Variants in ATXN1L observed in about 807,000 individuals in gnomAD.
The protein encoded by ATXN1L is ataxin 1 like.
ATXN1L carries 8 observed loss-of-function variants against 43.4 expected under a neutral mutation model. The ratio of observed to expected loss-of-function variants is 0.18; its 90% CI spans 0.11 to 0.33. ATXN1L has a LOEUF of 0.33. ATXN1L is among the 10% of genes least tolerant of loss of function. The pLI, the probability that ATXN1L is intolerant of heterozygous loss-of-function variation, is 1.00. For missense variants in ATXN1L, 856 were observed against 885.4 expected (o/e 0.97, Z 0.42); for synonymous variants, 379 against 360.6 (o/e 1.05, Z -0.58).
rs1232339761 is a variant in ATXN1L, at chr16:71,855,750, G to A, written c.*3940G>A. ...TCTTATAAACAAAGTAAATAGGACA[G>A]AGACTAAGTTTTAGGGAGACATCTT... On this transcript the variant is annotated 3_prime_UTR_variant, in exon 3 of 3. Transcript: ENST00000427980. 6.0e-6 allele frequency: 1 copy of A among 167,130 alleles called. No homozygotes were observed. Among genetic ancestry groups the A allele is most frequent in the Non-Finnish European group, 1.5e-5 (1 of 68,134 alleles). 10.4% of individuals were successfully genotyped at this position (167,130 alleles called of 1,614,324 possible). A position where few individuals can be genotyped will look rare whatever the true frequency, so the allele number is the denominator to read the frequency against.
rs766669613 is a variant in ATXN1L at position 71,851,521 on chromosome 16, G to T, written c.1781G>T (p.Ser594Ile). 3.2e-6 allele frequency: 5 copies of T among 1,551,618 alleles called. No homozygotes were observed. In the South Asian group the frequency reaches 4.8e-5, roughly 15 times the overall value. Residue 594 changes from serine to isoleucine, a missense_variant, in exon 3 of 3, where the codon AGC (serine) becomes ATC (isoleucine). By Grantham distance (142) the Ser-to-Ile change is moderately radical. Transcript: ENST00000427980. This position sits in a 1 kb window ranked among gnomAD's most constrained non-coding sequence, Gnocchi z 4.9. Reference sequence around the variant, plus strand: ...AACAGTAACTCAGTTTCTCAGGCCAGCTGTGCTCCCCCAAGCCAGCTGGGT... The same window carrying T: ...AACAGTAACTCAGTTTCTCAGGCCATCTGTGCTCCCCCAAGCCAGCTGGGT... ...SLNSNSVSQA[S>I]CAPPSQLGPP...
At chr16:71,847,379 C>G (rs895356724) in intron 1 of ATXN1L, among the ~76,000 whole-genome samples, 20 of 152,086 alleles carry the variant, frequency 1.3e-4, no homozygotes, top group African/African-American at 4.1e-4. Context: ...ATACCTGATT[C>G]AGCACTTGGT....
rs1414924623 is a variant in ATXN1L at position 71,853,283 on chromosome 16, C to G, written c.*1473C>G. 1 of 167,186 alleles carries G rather than the reference C, an allele frequency of 6.0e-6. No individual in the cohort carries two copies. The highest frequency in any genetic ancestry group is 1.5e-5 in the Non-Finnish European group (1 of 68,224). 10.4% of individuals were successfully genotyped at this position (167,186 alleles called of 1,614,324 possible). On this transcript the variant is annotated 3_prime_UTR_variant, in exon 3 of 3. Transcript: ENST00000427980. ...ACCCCCCACCAATGTCTTAATCCCACATTTTCTTCACAACTTTTAGCATCA... is the reference window on the plus strand; with the variant it reads ...ACCCCCCACCAATGTCTTAATCCCAGATTTTCTTCACAACTTTTAGCATCA...
chr16:71,848,103 G>C lies in ATXN1L; in HGVS notation c.-118+32G>C, dbSNP rs187064879. The C allele has an allele frequency of 2.6e-3, 1,181 of 454,810 alleles. 10 individuals carry two copies. Among genetic ancestry groups the C allele is most frequent in the Middle Eastern group, 3.5e-3 (9 of 2,604 alleles). The allele number at this position is 454,810 out of a possible 1,614,324, so 28.2% of individuals were successfully genotyped here. ...CCGGCACTTTGAATTCCTTGTTTCA[G>C]GAAAATATCTGGGATGTCACAGTGG... On this transcript the variant is annotated intron_variant, in intron 2 of 2. Coordinates refer to ENST00000427980, the MANE Select transcript of ATXN1L (RefSeq NM_001137675.4).
chr16:71,847,556 A>C (rs2033456493), intron 1 of ATXN1L, among the ~76,000 whole-genome samples: 1 of 151,724 alleles, frequency 6.6e-6, no homozygotes, highest in African/African-American at 2.4e-5. Context: ...GCTTTTTTTC[A>C]TTTAAATAAC....
rs1657969208 is a variant in ATXN1L, at chr16:71,852,287, G to A, written c.*477G>A. On this transcript the variant is annotated 3_prime_UTR_variant, in exon 3 of 3. Transcript: ENST00000427980. ...GGAGGCCCCAAGGTTGGAAATAAGA[G>A]GGTTCCCACCCAGAACCCTTCTTGT... The A allele has an allele frequency of 6.0e-6, 1 of 167,336 alleles. No homozygotes were observed. Among genetic ancestry groups the A allele is most frequent in the South Asian group, 2.1e-4 (1 of 4,838 alleles). 10.4% of individuals were successfully genotyped at this position (167,336 alleles called of 1,614,324 possible).
At position 71,849,750 on chromosome 16, in the gene ATXN1L, G is replaced by A; in HGVS notation, c.10G>A (p.Val4Ile). 6.6e-7 allele frequency: 1 copy of A among 1,509,148 alleles called. No homozygotes were observed. Among genetic ancestry groups the A allele is most frequent in the Non-Finnish European group, 8.9e-7 (1 of 1,124,682 alleles). 93.5% of individuals were successfully genotyped at this position (1,509,148 alleles called of 1,614,324 possible). A position where few individuals can be genotyped will look rare whatever the true frequency, so the allele number is the denominator to read the frequency against. Residue 4 changes from valine (V) to isoleucine (I), a missense_variant, in exon 3 of 3, where the codon GTT (valine) becomes ATT (isoleucine). This residue lies in a region of ATXN1L where 9 missense variants were observed against 22.4 expected (regional missense o/e 0.40). Coordinates refer to ENST00000427980, the MANE Select transcript of ATXN1L (RefSeq NM_001137675.4). MKP[V>I]HERSQECLPP... ...AACACCACAAAGCAATATGAAACCT[G>A]TTCATGAAAGGAGTCAGGAATGCCT...
At chr16:71,848,198 A>G (rs969458708) in intron 2 of ATXN1L, 127 bp downstream of exon 2, 2 of 394,228 alleles carry the variant, frequency 5.1e-6, no homozygotes, top group African/African-American at 4.2e-5. Flanking sequence ...GTTGGAAGAA[A>G]TAGGCAGCAA....
intron 1 of ATXN1L, among the ~76,000 whole-genome samples, chr16:71,847,769 T>C (rs2033458140): frequency 1.3e-5 from 2 of 152,150 alleles, no homozygotes; most frequent in South Asian, 4.1e-4. Context: ...GGAAAACCAA[T>C]GAAATTTGAT....
Position 71,849,656 on chromosome 16 carries a change from T to C in ATXN1L, c.-85T>C. On this transcript the variant is annotated 5_prime_UTR_variant, in exon 3 of 3. Coordinates refer to ENST00000427980, the MANE Select transcript of ATXN1L (RefSeq NM_001137675.4). ...CGCCCCAGCCAGAAGCAGAGAGGGG[T>C]ACAGGGAAGCTACAGAGAAGCCCCT... The C allele has an allele frequency of 7.1e-7, 1 of 1,413,976 alleles. No homozygotes were observed. The highest frequency in any genetic ancestry group is 9.4e-7 in the Non-Finnish European group (1 of 1,069,316). 87.6% of individuals were successfully genotyped at this position (1,413,976 alleles called of 1,614,324 possible). A position where few individuals can be genotyped will look rare whatever the true frequency, so the allele number is the denominator to read the frequency against.
In ATXN1L at chr16:71,848,007, TAGGCTCCCGAGCC is replaced by T. The variant is rs1836900325; in HGVS notation, c.-179_-167del. 2.2e-6 allele frequency: 1 copy of T among 455,856 alleles called. No homozygotes were observed. Among genetic ancestry groups the T allele is most frequent in the African/African-American group, 2.0e-5 (1 of 50,056 alleles). 28.2% of individuals were successfully genotyped at this position (455,856 alleles called of 1,614,324 possible). A position where few individuals can be genotyped will look rare whatever the true frequency, so the allele number is the denominator to read the frequency against. ...TTACTCCATTCCTGTTTCTATCTTC[TAGGCTCCCGAGCC>T]AGCCGGGAGGACACTTACTACAGCT... is the stretch of plus-strand genomic sequence containing the variant. On this transcript the variant is annotated splice_acceptor_variant and 5_prime_UTR_variant, in exon 2 of 3. Transcript: ENST00000427980. LOFTEE classifies it low-confidence loss of function (5UTR_SPLICE).
In ATXN1L at chr16:71,849,696, G is replaced by A. The variant is rs567314284; in HGVS notation, c.-45G>A. Reference sequence around the variant, plus strand: ...GAGAAGCCCCTTCTGATGCCCCAGGGAGCAAGTCGACTCCTTCCAGGCTCC... The same window carrying A: ...GAGAAGCCCCTTCTGATGCCCCAGGAAGCAAGTCGACTCCTTCCAGGCTCC... On this transcript the variant is annotated 5_prime_UTR_variant, in exon 3 of 3. Transcript: ENST00000427980. 6.2e-6 allele frequency: 9 copies of A among 1,459,088 alleles called. No individual in the cohort carries two copies. The East Asian group carries it at 1.7e-4, about 28-fold the overall frequency. 90.4% of individuals were successfully genotyped at this position (1,459,088 alleles called of 1,614,324 possible). A position where few individuals can be genotyped will look rare whatever the true frequency, so the allele number is the denominator to read the frequency against.
Position 71,851,571 on chromosome 16 carries a change from A to G in ATXN1L, c.1831A>G (p.Thr611Ala). ...TCCCCCCCGAGAAAGGCCTGAGAGGACGGTCTTGGGATCCAGAGAGCTATG... is the reference window on the plus strand; with the variant it reads ...TCCCCCCCGAGAAAGGCCTGAGAGGGCGGTCTTGGGATCCAGAGAGCTATG... The part of the protein sequence containing the change: ...LGPPRERPER[T>A]VLGSRELCDS... Residue 611 changes from threonine (T) to alanine (A), a missense_variant, in exon 3 of 3, where the codon ACG (threonine) becomes GCG (alanine). Around this residue, in one of 7 missense-constraint regions of ATXN1L, gnomAD observed 185 missense variants for 176.8 expected, o/e 1.05. Coordinates refer to ENST00000427980, the MANE Select transcript of ATXN1L (RefSeq NM_001137675.4). The surrounding 1 kb of genome is among the most constrained non-coding windows in gnomAD (Gnocchi z 4.9). The G allele has an allele frequency of 2.6e-6, 4 of 1,549,708 alleles. No individual in the cohort carries two copies. The highest frequency in any genetic ancestry group is 2.5e-5 in the East Asian group (1 of 40,800).
In ATXN1L at chr16:71,850,670, G is replaced by T; in HGVS notation, c.930G>T (p.Gln310His). 1 of 1,551,754 alleles carries T rather than the reference G, an allele frequency of 6.4e-7. No homozygotes were observed. The highest frequency in any genetic ancestry group is 1.4e-5 in the African/African-American group (1 of 73,178). The part of the protein sequence containing the change: ...VPVVECVVDG[Q>H]LFSGSQTPRV... ...TGGTAGAATGTGTGGTGGATGGACA[G>T]TTGTTTTCAGGTTCTCAGACTCCAC... is the stretch of plus-strand genomic sequence containing the variant. The change falls in exon 3 of 3, where the codon CAG (glutamine) becomes CAT (histidine). Residue 310 changes from glutamine to histidine, a missense_variant. Physicochemically the swap from Gln to His is conservative, Grantham distance 24. This residue lies in a region of ATXN1L where 490 missense variants were observed against 449.4 expected (regional missense o/e 1.09). Coordinates refer to ENST00000427980, the MANE Select transcript of ATXN1L (RefSeq NM_001137675.4).
At chr16:71,847,127 A>G (rs11640135) in intron 1 of ATXN1L, among the ~76,000 whole-genome samples, 30,028 of 152,104 alleles carry the variant, frequency 0.2, 3,718 homozygotes, top group Non-Finnish European at 0.28. Context: ...ATCTTAAGAG[A>G]GAAATGTTGC....
In ATXN1L at chr16:71,850,465, T is replaced by G. The variant is rs1403520431; in HGVS notation, c.725T>G (p.Leu242Trp). The change falls in exon 3 of 3, where the codon TTG becomes TGG. Residue 242 changes from leucine (L) to tryptophan (W), a missense_variant. Physicochemically the swap from Leu to Trp is moderately conservative, Grantham distance 61. Coordinates refer to ENST00000427980, the MANE Select transcript of ATXN1L (RefSeq NM_001137675.4). ...QMSRLPAGYT[L>W]HETPPAGASP... ...TCCAGGCTACCTGCTGGGTATACTTTGCATGAAACCCCTCCAGCAGGTGCC... is the reference window on the plus strand; with the variant it reads ...TCCAGGCTACCTGCTGGGTATACTTGGCATGAAACCCCTCCAGCAGGTGCC... 1 of 1,551,704 alleles carries G rather than the reference T, an allele frequency of 6.4e-7. No individual in the cohort carries two copies. Among genetic ancestry groups the G allele is most frequent in the Admixed American group, 2.0e-5 (1 of 51,004 alleles).
In ATXN1L at chr16:71,850,733, G is replaced by A. The variant is rs866322022; in HGVS notation, c.993G>A (p.Pro331=). The stretch of plus-strand genomic sequence containing the variant: ...CAGCACCAGCACACCGGGGGACCCC[G>A]GACACTGACCTTGAGGTCCAGCGGG... ...EVAAPAHRGT[P]DTDLEVQRVV... Residue 331 remains proline (P), a synonymous_variant, in exon 3 of 3, where the codon CCG becomes CCA. Transcript: ENST00000427980. 85 of 1,551,678 alleles carry A rather than the reference G, an allele frequency of 5.5e-5. No individual in the cohort carries two copies. The African/African-American group carries it at 5.9e-4, about 11-fold the overall frequency.
chr16:71,849,877 C>T lies in ATXN1L; in HGVS notation c.137C>T (p.Ser46Phe). 1 of 1,551,484 alleles carries T rather than the reference C, an allele frequency of 6.4e-7. No homozygotes were observed. Among genetic ancestry groups the T allele is most frequent in the Non-Finnish European group, 8.7e-7 (1 of 1,146,894 alleles). ...CCCTCCAGTGATGCTTCTGAATGGT[C>T]CCGAGGGGTTGTGGTGGCTGGGCAG... ...HTPSSDASEW[S>F]RGVVVAGQSQ... The change falls in exon 3 of 3, where the codon TCC becomes TTC. Residue 46 changes from serine (S) to phenylalanine (F), a missense_variant. Ser to Phe is a radical substitution (Grantham distance 155). Around this residue, in one of 7 missense-constraint regions of ATXN1L, gnomAD observed 93 missense variants for 113.4 expected, o/e 0.82. Coordinates refer to ENST00000427980, the MANE Select transcript of ATXN1L (RefSeq NM_001137675.4).
In ATXN1L at chr16:71,852,946, T is replaced by C. The variant is rs546207938; in HGVS notation, c.*1136T>C. 1.8e-5 allele frequency: 3 copies of C among 167,262 alleles called. No individual in the cohort carries two copies. Among genetic ancestry groups the C allele is most frequent in the African/African-American group, 4.8e-5 (2 of 41,578 alleles). The allele number at this position is 167,262 out of a possible 1,614,324, so 10.4% of individuals were successfully genotyped here. On this transcript the variant is annotated 3_prime_UTR_variant, in exon 3 of 3. Coordinates refer to ENST00000427980, the MANE Select transcript of ATXN1L (RefSeq NM_001137675.4). Reference sequence around the variant, plus strand: ...AATCTCTATTTTTAAAATCTCAAAATCATGTCCCCTCCACTTCCACTGCCA... The same window carrying C: ...AATCTCTATTTTTAAAATCTCAAAACCATGTCCCCTCCACTTCCACTGCCA...
Sources: allele counts gnomAD v4.1 joint callset (sites outside exome capture counted in the v4.1 genomes callset), GRCh38; gene constraint gnomAD v4.1.1; regional missense constraint gnomAD v4.1.1; non-coding constraint Gnocchi (gnomAD v3.1); transcripts MANE v1.5; gene names NCBI Gene and HGNC (gene_info 2026-07-23, HGNC 2026-07-21).